Variants in CYP2B6 observed in about 807,000 individuals in gnomAD.
CYP2B6 encodes the protein cytochrome P450 family 2 subfamily B member 6.
In CYP2B6, 35 loss-of-function variants were observed where a neutral mutation model predicts 43.4. The observed-to-expected ratio is 0.81, with a 90% confidence interval of 0.62 to 1.07. The LOEUF (loss-of-function observed/expected upper bound fraction) is 1.07, where lower values mean the gene tolerates loss of function less well. Among genes scored for constraint, CYP2B6 ranks in the 50% least tolerant of loss-of-function variants. The probability of loss-of-function intolerance (pLI) is 0.00; values close to 1 mark genes in which losing one functional copy is unlikely to be tolerated. For synonymous variants in CYP2B6, 239 were observed against 239.2 expected (o/e 1.00, Z 0.01); for missense variants, 624 against 632.8 (o/e 0.99, Z 0.15).
At chr19:40,995,574 A>G (rs148333299) in intron 1 of CYP2B6, among the ~76,000 whole-genome samples, 70 of 152,286 alleles carry the variant, frequency 4.6e-4, no homozygotes, top group African/African-American at 1.6e-3. Context: ...CCTGGTGAAA[A>G]CATGCTTTGG....
intron 8 of CYP2B6, among the ~76,000 whole-genome samples, chr19:41,014,038 T>C (rs747499042): frequency 2.7e-4 from 41 of 152,204 alleles, no homozygotes; most frequent in Non-Finnish European, 6.0e-4. Context: ...GTTTACATGT[T>C]GAGTTACATT....
At chr19:41,003,181 T>C (rs1969122755) in intron 1 of CYP2B6, among the ~76,000 whole-genome samples, 1 of 152,112 alleles carries the variant, frequency 6.6e-6, no homozygotes, top group South Asian at 2.1e-4. Flanking sequence ...TGCCCAGCAG[T>C]TCCCCAAGTG....
intron 1 of CYP2B6, among the ~76,000 whole-genome samples, chr19:41,003,110 T>C (rs1477749104): frequency 6.6e-6 from 1 of 152,150 alleles, no homozygotes; most frequent in Non-Finnish European, 1.5e-5. Context: ...TTGCTGGGCA[T>C]GTACCTGGGA....
At chr19:41,010,279 A>G in intron 6 of CYP2B6, 144 bp downstream of exon 6, 1 of 925,016 alleles carries the variant, frequency 1.1e-6, no homozygotes. Flanking sequence ...GATTCCAACC[A>G]AGCCAATTCT....
At chr19:40,999,387 T>C (rs1337560705) in intron 1 of CYP2B6, among the ~76,000 whole-genome samples, 2 of 152,050 alleles carry the variant, frequency 1.3e-5, no homozygotes, top group East Asian at 3.9e-4. Flanking sequence ...TTCACTCTGA[T>C]GGTAGTTTCT....
intron 2 of CYP2B6, 54 bp downstream of exon 2, chr19:41,004,217 G>C: frequency 6.2e-7 from 1 of 1,611,682 alleles, no homozygotes; most frequent in Non-Finnish European, 8.5e-7. Context: ...ATCAGGGAAG[G>C]GAGTATATGG....
rs112815799 is a variant in CYP2B6 at position 40,994,229 on chromosome 19, T to G, written c.171+2753T>G. The stretch of plus-strand genomic sequence containing the variant: ...TTAGGAAACTCTCAGGGAAACAATT[T>G]GGAAAGCAGCAGTGAGCTAGGCCAA... On this transcript the variant is annotated intron_variant, in intron 1 of 8. Transcript: ENST00000324071. Among the ~76,000 whole-genome samples, 190 of 152,260 alleles carry G rather than the reference T, an allele frequency of 1.2e-3. 2 individuals are homozygous for G. The highest frequency in any genetic ancestry group is 4.4e-3 in the African/African-American group (181 of 41,502).
intron 4 of CYP2B6, chr19:41,007,624 A>AT (rs10617307): frequency 1.1e-3 from 163 of 147,002 alleles, no homozygotes; most frequent in Non-Finnish European, 1.6e-3. Flanking sequence ...CACCTGGCTA[A>AT]TTTTTTTTTT....
rs552326033 is a variant in CYP2B6 at position 41,009,874 on chromosome 19, C to T, written c.823-120C>T. The T allele has an allele frequency of 1.2e-4, 144 of 1,188,224 alleles. 2 individuals are homozygous for T. In the South Asian group the frequency reaches 1.8e-3, roughly 15 times the overall value. The allele number at this position is 1,188,224 out of a possible 1,614,324, so 73.6% of individuals were successfully genotyped here. A position where few individuals can be genotyped will look rare whatever the true frequency, so the allele number is the denominator to read the frequency against. ...TGTGTAGAGGACAGAGAAAAGCAAA[C>T]TGGGCCAGATAGTGTCAAAGACCTT... On this transcript the variant is annotated intron_variant, in intron 5 of 8. Transcript: ENST00000324071.
intron 1 of CYP2B6, among the ~76,000 whole-genome samples, chr19:40,997,499 A>C (rs7250601): frequency 0.3 from 44,824 of 151,936 alleles, 7,168 homozygotes; most frequent in South Asian, 0.4. Context: ...CTTTTTAATG[A>C]TACCAAGTAC....
rs770295158 is a variant in CYP2B6 at position 40,991,283 on chromosome 19, T to C, written c.-23T>C. On this transcript the variant is annotated 5_prime_UTR_variant, in exon 1 of 9. Coordinates refer to ENST00000324071, the MANE Select transcript of CYP2B6 (RefSeq NM_000767.5). The stretch of plus-strand genomic sequence containing the variant: ...GGCCCAGTTGGAGGCTGCAGCAGGG[T>C]GCAGGGCAGTCAGACCAGGACCATG... The C allele has an allele frequency of 1.2e-6, 2 of 1,613,742 alleles. No homozygotes were observed. The highest frequency in any genetic ancestry group is 1.7e-6 in the Non-Finnish European group (2 of 1,179,946).
Position 40,997,859 on chromosome 19 carries a change from G to A in CYP2B6, c.172-6142G>A, listed in dbSNP as rs756690782. Among the ~76,000 whole-genome samples, 69 of 152,056 alleles carry A rather than the reference G, an allele frequency of 4.5e-4. 1 individual carries two copies. Among genetic ancestry groups the A allele is most frequent in the Non-Finnish European group, 7.3e-5 (5 of 68,030 alleles). On this transcript the variant is annotated intron_variant, in intron 1 of 8. Transcript: ENST00000324071. The stretch of plus-strand genomic sequence containing the variant: ...TTATACCTGTAATCCCAACACTTTG[G>A]GAGGCTGAGGTGGGAGGATCGCTTG...
chr19:41,001,549 C>T (rs973125134), intron 1 of CYP2B6, among the ~76,000 whole-genome samples: 1 of 152,132 alleles, frequency 6.6e-6, no homozygotes, highest in African/African-American at 2.4e-5. Flanking sequence ...GTTTTCTCTT[C>T]CGTCAGTTAA....
At chr19:41,015,552 C>T (rs1294385669) in intron 8 of CYP2B6, among the ~76,000 whole-genome samples, 1 of 152,154 alleles carries the variant, frequency 6.6e-6, no homozygotes, top group Non-Finnish European at 1.5e-5. Flanking sequence ...GAGCTTTTTC[C>T]AGCACCCTTT....
chr19:41,005,239 C>T (rs543573229), intron 3 of CYP2B6, among the ~76,000 whole-genome samples: 2 of 152,138 alleles, frequency 1.3e-5, no homozygotes, highest in African/African-American at 4.8e-5. Context: ...TTTGAGTTCT[C>T]CATAACTTGG....
At chr19:41,010,730 T>C (rs1485601525) in intron 6 of CYP2B6, among the ~76,000 whole-genome samples, 2 of 152,108 alleles carry the variant, frequency 1.3e-5, no homozygotes, top group Non-Finnish European at 2.9e-5. Context: ...GCTGTTAGGG[T>C]ATTTATCACC....
At position 41,001,390 on chromosome 19, in the gene CYP2B6, T is replaced by G. The variant is rs1366485444; in HGVS notation, c.172-2611T>G. On this transcript the variant is annotated intron_variant, in intron 1 of 8. Transcript: ENST00000324071. ...ATGATTGCATCTCTTGGGGGTGGGG[T>G]AAAGAGGGAGGGCATGAGCAAGTGT... Among the ~76,000 whole-genome samples the G allele has an allele frequency of 1.3e-4, 19 of 151,978 alleles. No homozygotes were observed. In the East Asian group the frequency reaches 1.9e-3, roughly 15 times the overall value.
At position 41,010,090 on chromosome 19, in the gene CYP2B6, C is replaced by G; in HGVS notation, c.919C>G (p.Leu307Val). ...FAGTETTSTTLRYGFLLMLKY... is the reference protein window; with the variant it reads ...FAGTETTSTTVRYGFLLMLKY... ...TGGCACTGAGACCACCAGCACCACT[C>G]TCCGCTACGGCTTCCTGCTCATGCT... The change falls in exon 6 of 9, where the codon CTC (leucine) becomes GTC (valine). Residue 307 changes from leucine (L) to valine (V), a missense_variant. Coordinates refer to ENST00000324071, the MANE Select transcript of CYP2B6 (RefSeq NM_000767.5). The G allele has an allele frequency of 1.2e-6, 2 of 1,614,088 alleles. No individual in the cohort carries two copies.
chr19:40,998,283 T>C (rs1291460741), intron 1 of CYP2B6, among the ~76,000 whole-genome samples: 1 of 152,140 alleles, frequency 6.6e-6, no homozygotes, highest in African/African-American at 2.4e-5. Flanking sequence ...TTGCTGTTCC[T>C]TCTAGCTCTT....
Sources: allele counts gnomAD v4.1 joint callset (sites outside exome capture counted in the v4.1 genomes callset), GRCh38; gene constraint gnomAD v4.1.1; transcripts MANE v1.5; gene names NCBI Gene and HGNC (gene_info 2026-07-23, HGNC 2026-07-21).